Variants in CAMTA1 observed in about 807,000 individuals in gnomAD.
The protein encoded by CAMTA1 is calmodulin-binding transcription activator 1.
CAMTA1 carries 27 observed loss-of-function variants against 170.9 expected under a neutral mutation model. That is an observed-to-expected ratio of 0.16 (90% CI 0.12 to 0.22). CAMTA1 has a LOEUF of 0.22. Ranked by LOEUF, CAMTA1 falls within the 10% of genes least tolerant of loss-of-function variation. CAMTA1 has a pLI of 1.00. For missense variants in CAMTA1, 1,619 were observed against 2,217.2 expected (o/e 0.73, Z 5.42); for synonymous variants, 833 against 891.5 (o/e 0.93, Z 1.17).
In CAMTA1 at chr1:7,766,451, T is replaced by G. The variant is rs763085206; in HGVS notation, c.4990-8T>G. 5.0e-6 allele frequency: 8 copies of G among 1,614,098 alleles called. No individual in the cohort carries two copies. In the Admixed American group the frequency reaches 1.3e-4, roughly 27 times the overall value. On this transcript the variant is annotated splice_region_variant and splice_polypyrimidine_tract_variant and intron_variant, in intron 22 of 22. Coordinates refer to ENST00000303635, the MANE Select transcript of CAMTA1 (RefSeq NM_015215.4). ...ATCGCCTGCTGTTTTGTTTTGTTTC[T>G]CTTCCAGAGTGAAAGAATTGAAAAA...
intron 3 of CAMTA1, among the ~76,000 whole-genome samples, chr1:7,032,914 A>G (rs914185914): frequency 6.6e-6 from 1 of 152,190 alleles, no homozygotes; most frequent in African/African-American, 2.4e-5. Flanking sequence ...TCTGATGAGA[A>G]GTCTGCAGTT....
Position 7,520,460 on chromosome 1 carries a change from T to C in CAMTA1, c.510+52559T>C, listed in dbSNP as rs1460400898. The stretch of plus-strand genomic sequence containing the variant: ...GAGGTGGGGCCAGCAGGATACAGCC[T>C]TGGGTTCCAGTCTCAGGCGCCCATC... On this transcript the variant is annotated intron_variant, in intron 6 of 22. Transcript: ENST00000303635. Among the ~76,000 whole-genome samples the C allele has an allele frequency of 2.7e-5, 4 of 150,860 alleles. No homozygotes were observed. In the South Asian group the frequency reaches 8.5e-4, roughly 32 times the overall value.
At chr1:7,103,339 A>G (rs1239990437) in intron 4 of CAMTA1, among the ~76,000 whole-genome samples, 1 of 151,784 alleles carries the variant, frequency 6.6e-6, no homozygotes, top group Admixed American at 6.6e-5. Context: ...TATACACACA[A>G]CTACACACAT....
rs1553206592 is a variant in CAMTA1, at chr1:6,984,090, G to GTGAGTGGATAGGTGGATAGAGGGT, written c.235-107212_235-107211insAGTGGATAGGTGGATAGAGGGTTG. 2.1e-4 allele frequency among the ~76,000 whole-genome samples: 4 copies of GTGAGTGGATAGGTGGATAGAGGGT among 18,886 alleles called. 1 individual carries two copies. Among genetic ancestry groups the GTGAGTGGATAGGTGGATAGAGGGT allele is most frequent in the African/African-American group, 4.8e-4 (2 of 4,150 alleles). 12.4% of individuals were successfully genotyped at this position (18,886 alleles called of 152,430 possible). Reference sequence around the variant, plus strand: ...GGTGGATGGGTGGATAGATGGATGGGTGGGTGGGTGAATAGATGGGTTGGT... The same window carrying GTGAGTGGATAGGTGGATAGAGGGT: ...GGTGGATGGGTGGATAGATGGATGGGTGAGTGGATAGGTGGATAGAGGGTTGGGTGGGTGAATAGATGGGTTGGT... On this transcript the variant is annotated intron_variant, in intron 3 of 22. Coordinates refer to ENST00000303635, the MANE Select transcript of CAMTA1 (RefSeq NM_015215.4).
At chr1:6,814,839 C>T (rs1434717015) in intron 1 of CAMTA1, among the ~76,000 whole-genome samples, 1 of 152,176 alleles carries the variant, frequency 6.6e-6, no homozygotes, top group African/African-American at 2.4e-5. Flanking sequence ...TGCTGTTTCT[C>T]TGTTCCAAAG....
chr1:7,577,766 A>G (rs756177878), intron 6 of CAMTA1, among the ~76,000 whole-genome samples: 9 of 152,062 alleles, frequency 5.9e-5, no homozygotes, highest in Non-Finnish European at 1.3e-4. Context: ...AAACTACCCA[A>G]CACTGCCATT....
intron 7 of CAMTA1, among the ~76,000 whole-genome samples, chr1:7,655,084 C>T (rs201278253): frequency 1.7e-5 from 1 of 58,456 alleles, no homozygotes; most frequent in African/African-American, 8.0e-5. Flanking sequence ...ACACACACAC[C>T]CACCTATACA....
chr1:7,590,734 A>G (rs1390842641), intron 6 of CAMTA1, among the ~76,000 whole-genome samples: 1 of 152,050 alleles, frequency 6.6e-6, no homozygotes, highest in Non-Finnish European at 1.5e-5. Context: ...AAGGACCGGC[A>G]CCTTTGCCCA....
At chr1:6,858,765 A>C (rs1014499002) in intron 3 of CAMTA1, among the ~76,000 whole-genome samples, 14 of 152,194 alleles carry the variant, frequency 9.2e-5, no homozygotes, top group African/African-American at 3.1e-4. Context: ...TTATGCTTTT[A>C]TATGAGGACC....
chr1:7,460,911 G>A (rs1297664142), intron 5 of CAMTA1, among the ~76,000 whole-genome samples: 1 of 152,046 alleles, frequency 6.6e-6, no homozygotes, highest in Non-Finnish European at 1.5e-5. Context: ...CAGCCACAGG[G>A]GCTGTGGTGG....
At chr1:7,160,106 G>A (rs547768143) in intron 4 of CAMTA1, among the ~76,000 whole-genome samples, 2 of 151,988 alleles carry the variant, frequency 1.3e-5, no homozygotes, top group Admixed American at 6.6e-5. Context: ...AAAATTAGCC[G>A]GGCATGGTGA....
intron 3 of CAMTA1, among the ~76,000 whole-genome samples, chr1:7,058,237 C>A (rs1707668281): frequency 6.6e-6 from 1 of 152,186 alleles, no homozygotes; most frequent in Admixed American, 6.5e-5. Flanking sequence ...CACCCCCATT[C>A]CCCCTGGGGC....
chr1:6,895,609 C>T (rs569850184), intron 3 of CAMTA1, among the ~76,000 whole-genome samples: 28 of 152,382 alleles, frequency 1.8e-4, no homozygotes, highest in African/African-American at 6.0e-4. Flanking sequence ...CCATTTCCTA[C>T]CAGGTGCCTC....
chr1:7,429,509 T>C (rs565576601), intron 5 of CAMTA1, among the ~76,000 whole-genome samples: 1 of 151,970 alleles, frequency 6.6e-6, no homozygotes, highest in African/African-American at 2.4e-5. Flanking sequence ...ATGGTGGTAA[T>C]GGTGGTACTG....
intron 3 of CAMTA1, among the ~76,000 whole-genome samples, chr1:6,988,352 C>T (rs753912626): frequency 6.6e-6 from 1 of 152,190 alleles, no homozygotes. Context: ...CTAATGAAAA[C>T]CCGGTTTCAT....
intron 4 of CAMTA1, among the ~76,000 whole-genome samples, chr1:7,182,902 T>C (rs1177433137): frequency 1.3e-5 from 2 of 152,188 alleles, no homozygotes; most frequent in African/African-American, 4.8e-5. Context: ...TCTGTCAGAT[T>C]GGCAAACATG....
intron 3 of CAMTA1, among the ~76,000 whole-genome samples, chr1:6,951,936 T>C (rs1447333196): frequency 1.8e-4 from 28 of 152,170 alleles, no homozygotes; most frequent in Admixed American, 1.8e-3. Context: ...GGTGTTGCGT[T>C]CCGTCTCTGG....
chr1:7,131,191 A>T (rs59469784), intron 4 of CAMTA1, among the ~76,000 whole-genome samples: 39,420 of 151,978 alleles, frequency 0.26, 5,338 homozygotes, highest in Middle Eastern at 0.39. Flanking sequence ...TGACCTCGTG[A>T]TCCACCCACC....
At chr1:6,872,121 T>A in intron 3 of CAMTA1, 2 of 382,062 alleles carry the variant, frequency 5.2e-6, no homozygotes, top group Non-Finnish European at 7.6e-6. Context: ...GAAGCTGAAT[T>A]AACTTGATAT....
Sources: allele counts gnomAD v4.1 joint callset (sites outside exome capture counted in the v4.1 genomes callset), GRCh38; gene constraint gnomAD v4.1.1; transcripts MANE v1.5; gene names NCBI Gene and HGNC (gene_info 2026-07-23, HGNC 2026-07-21).